The following TRIO variants were observed in gnomAD, a reference collection of about 807,000 sequenced individuals.
The protein encoded by TRIO is triple functional domain protein.
TRIO carries 58 observed loss-of-function variants against 351.9 expected under a neutral mutation model. The observed-to-expected ratio is 0.16, with a 90% CI of 0.13 to 0.21. The LOEUF (loss-of-function observed/expected upper bound fraction) is 0.21. TRIO is among the 10% of genes least tolerant of loss of function. The probability of loss-of-function intolerance (pLI) is 1.00; values close to 1 mark genes in which losing one functional copy is unlikely to be tolerated. For missense variants in TRIO, 3,201 were observed against 4,027.8 expected (o/e 0.79, Z 5.56); for synonymous variants, 1,758 against 1,595.7 (o/e 1.10, Z -2.42).
At chr5:14,374,390 C>T in intron 19 of TRIO, 47 bp downstream of exon 19, 2 of 1,478,490 alleles carry the variant, frequency 1.4e-6, no homozygotes, top group Non-Finnish European at 1.9e-6. Context: ...GCATGCCTGG[C>T]AAGAGACAAA....
intron 45 of TRIO, 153 bp downstream of exon 45, chr5:14,481,771 CTTT>C (rs34046917): frequency 0.12 from 22,955 of 186,538 alleles, 381 homozygotes; most frequent in Admixed American, 0.15. Flanking sequence ...ATTTTATTTC[CTTT>C]TTTTTTTTTT....
intron 34 of TRIO, among the ~76,000 whole-genome samples, chr5:14,432,739 TTTTC>T (rs372900426): frequency 3.9e-5 from 6 of 152,350 alleles, no homozygotes; most frequent in Admixed American, 1.3e-4. Flanking sequence ...AAAAGCCATT[TTTTC>T]TTTATCAGTT....
chr5:14,143,732 G>C lies in TRIO; in HGVS notation c.7G>C (p.Gly3Arg), dbSNP rs1466244559. Residue 3 changes from glycine to arginine, a missense_variant, in exon 1 of 57, where the codon GGC becomes CGC. Physicochemically the swap from Gly to Arg is moderately radical, Grantham distance 125. Around this residue, in one of 19 missense-constraint regions of TRIO, gnomAD observed 109 missense variants for 134.6 expected, o/e 0.81. Transcript: ENST00000344204. MS[G>R]SSGGAAAPAA... ...CGCGGGCGCCGCCGCAGCCATGAGC[G>C]GCAGCAGCGGCGGAGCCGCCGCCCC... is the stretch of plus-strand genomic sequence containing the variant. 9 of 978,766 alleles carry C rather than the reference G, an allele frequency of 9.2e-6. No individual in the cohort carries two copies. Among genetic ancestry groups the C allele is most frequent in the Non-Finnish European group, 1.1e-5 (9 of 827,454 alleles). 60.6% of individuals were successfully genotyped at this position (978,766 alleles called of 1,614,324 possible). A position where few individuals can be genotyped will look rare whatever the true frequency, so the allele number is the denominator to read the frequency against.
At chr5:14,493,462 A>C (rs1203864439) in intron 49 of TRIO, among the ~76,000 whole-genome samples, 1 of 152,180 alleles carries the variant, frequency 6.6e-6, no homozygotes, top group Non-Finnish European at 1.5e-5. Flanking sequence ...GGTGATATGT[A>C]GTTAGTGATG....
chr5:14,494,115 C>T (rs1455898551), intron 49 of TRIO, among the ~76,000 whole-genome samples: 2 of 152,222 alleles, frequency 1.3e-5, no homozygotes, highest in East Asian at 1.9e-4. Flanking sequence ...TGAACCCAGT[C>T]GCATTTATTT....
chr5:14,482,467 A>G (rs1389229454), intron 45 of TRIO, 115 bp from the exon 46 acceptor site: 11 of 837,252 alleles, frequency 1.3e-5, no homozygotes, highest in Middle Eastern at 3.4e-4. Context: ...CCATAAATTA[A>G]TAAAAGAAAA....
chr5:14,451,951 G>A (rs555766903), intron 34 of TRIO, among the ~76,000 whole-genome samples: 1 of 152,220 alleles, frequency 6.6e-6, no homozygotes, highest in Admixed American at 6.5e-5. Flanking sequence ...AAAATCCTTT[G>A]GGGGAGACAG....
intron 1 of TRIO, among the ~76,000 whole-genome samples, chr5:14,170,710 T>A (rs1789048573): frequency 6.6e-6 from 1 of 152,146 alleles, no homozygotes; most frequent in African/African-American, 2.4e-5. Flanking sequence ...TTCACCATGT[T>A]GGCCAGCGTG....
At chr5:14,257,300 A>G (rs1292845374) in intron 1 of TRIO, among the ~76,000 whole-genome samples, 1 of 152,212 alleles carries the variant, frequency 6.6e-6, no homozygotes, top group Non-Finnish European at 1.5e-5. Context: ...ATTCACTCTC[A>G]CCTGTCCCAC....
At chr5:14,194,225 C>T (rs191224009) in intron 1 of TRIO, among the ~76,000 whole-genome samples, 9 of 152,230 alleles carry the variant, frequency 5.9e-5, no homozygotes, top group East Asian at 1.9e-4. Context: ...ATACATTGAT[C>T]GGATTCATAT....
At chr5:14,447,335 A>G (rs1245239097) in intron 34 of TRIO, among the ~76,000 whole-genome samples, 2 of 152,210 alleles carry the variant, frequency 1.3e-5, no homozygotes, top group African/African-American at 4.8e-5. Flanking sequence ...GTATGTTGTC[A>G]TGTGGCTCTG....
chr5:14,144,861 C>G (rs905624155), intron 1 of TRIO, among the ~76,000 whole-genome samples: 2 of 151,898 alleles, frequency 1.3e-5, no homozygotes, highest in African/African-American at 2.4e-5. Flanking sequence ...GCGCCCAGTC[C>G]GGTCTGCTCG....
chr5:14,267,046 C>G (rs145188267), intron 1 of TRIO, among the ~76,000 whole-genome samples: 4,268 of 152,210 alleles, frequency 0.028, 81 homozygotes, highest in South Asian at 0.05. Context: ...GTGACGGAAT[C>G]CAGTCTGTCT....
rs772824996 is a variant in TRIO, at chr5:14,291,179, A to C, written c.1004A>C (p.Lys335Thr). 1.9e-6 allele frequency: 3 copies of C among 1,614,196 alleles called. No individual in the cohort carries two copies. The East Asian group carries it at 6.7e-5, about 36-fold the overall frequency. Residue 335 changes from lysine to threonine, a missense_variant, in exon 5 of 57, where the codon AAG becomes ACG. Transcript: ENST00000344204. Reference protein sequence around the residue: ...LHQMWHVRKLKLDQCFQLRLF... With the variant: ...LHQMWHVRKLTLDQCFQLRLF... ...CAGATGTGGCATGTGAGGAAGCTGAAGCTGGACCAGTGCTTCCAGCTGAGG... is the reference window on the plus strand; with the variant it reads ...CAGATGTGGCATGTGAGGAAGCTGACGCTGGACCAGTGCTTCCAGCTGAGG...
intron 34 of TRIO, among the ~76,000 whole-genome samples, chr5:14,453,380 G>T (rs77817243): frequency 1.3e-5 from 2 of 152,268 alleles, no homozygotes; most frequent in East Asian, 3.9e-4. Context: ...TATTAAAAGT[G>T]ATTTTTAGTA....
chr5:14,406,373 G>A (rs1748719079), intron 32 of TRIO, 200 bp from the exon 33 acceptor site: 2 of 592,476 alleles, frequency 3.4e-6, no homozygotes, highest in Non-Finnish European at 6.0e-6. Context: ...GAATCCAACA[G>A]GATGATATGT....
At position 14,492,837 on chromosome 5, in the gene TRIO, G is replaced by A. The variant is rs369085217; in HGVS notation, c.7880+23G>A. 65 of 1,606,934 alleles carry A rather than the reference G, an allele frequency of 4.0e-5. 4 individuals are homozygous for A. Among genetic ancestry groups the A allele is most frequent in the African/African-American group, 3.5e-4 (26 of 74,806 alleles). ...CAAGTGAGTGCTTGACAGTAACGGC[G>A]TCCTGGCAGGCAGCAGAGGGAGGGG... On this transcript the variant is annotated intron_variant, in intron 49 of 56. Coordinates refer to ENST00000344204, the MANE Select transcript of TRIO (RefSeq NM_007118.4).
At chr5:14,296,390 T>C (rs543813686) in intron 6 of TRIO, among the ~76,000 whole-genome samples, 2 of 152,284 alleles carry the variant, frequency 1.3e-5, no homozygotes, top group South Asian at 4.1e-4. Flanking sequence ...TATGAGAGCT[T>C]GTTCTGCAAA....
chr5:14,306,498 A>G (rs1738380732), intron 8 of TRIO, among the ~76,000 whole-genome samples: 1 of 152,206 alleles, frequency 6.6e-6, no homozygotes, highest in Non-Finnish European at 1.5e-5. Context: ...TATAACACAG[A>G]AAGCAAATGA....
Sources: gnomAD v4.1 joint callset for allele counts (sites outside exome capture counted in the v4.1 genomes callset) on GRCh38, gnomAD v4.1.1 for gene constraint, gnomAD v4.1.1 regional missense constraint, MANE v1.5 for transcripts, NCBI Gene and HGNC (gene_info 2026-07-23, HGNC 2026-07-21) for gene names.